The following SNX14 variants were observed in gnomAD, a reference collection of about 807,000 sequenced individuals.
SNX14 encodes the protein sorting nexin 14.
SNX14 carries 93 observed loss-of-function variants against 133.8 expected under a neutral mutation model. The observed-to-expected ratio is 0.70, with a 90% CI of 0.59 to 0.83. The LOEUF is 0.83. Among genes scored for constraint, SNX14 ranks in the 40% least tolerant of loss-of-function variants. SNX14 has a pLI of 0.00. For missense variants in SNX14, 945 were observed against 1,094.9 expected (o/e 0.86, Z 1.93); for synonymous variants, 368 against 365.6 (o/e 1.01, Z -0.07).
intron 6 of SNX14, among the ~76,000 whole-genome samples, chr6:85,559,825 C>T (rs1290990852): frequency 6.6e-6 from 1 of 152,028 alleles, no homozygotes; most frequent in African/African-American, 2.4e-5. Flanking sequence ...AGTTAAAATG[C>T]AGGTAAGGAA....
At chr6:85,512,324 A>C (rs552070402) in intron 26 of SNX14, among the ~76,000 whole-genome samples, 2 of 152,232 alleles carry the variant, frequency 1.3e-5, no homozygotes, top group African/African-American at 4.8e-5. Flanking sequence ...TAAAACTCAC[A>C]AAAAAAGTGT....
At chr6:85,593,548 C>T (rs1228778871) in intron 1 of SNX14, 31 bp downstream of exon 1, 1 of 1,587,032 alleles carries the variant, frequency 6.3e-7, no homozygotes, top group East Asian at 2.3e-5. Flanking sequence ...CGGAGAAAAG[C>T]CGCCGCCCAG....
intron 20 of SNX14, among the ~76,000 whole-genome samples, chr6:85,527,880 AAC>A (rs1778996340): frequency 6.6e-6 from 1 of 152,124 alleles, no homozygotes; most frequent in East Asian, 1.9e-4. Flanking sequence ...GAAAAAGCTA[AAC>A]ACAAAAATCA....
intron 1 of SNX14, among the ~76,000 whole-genome samples, chr6:85,591,425 C>T (rs959407500): frequency 6.6e-6 from 1 of 152,086 alleles, no homozygotes; most frequent in Non-Finnish European, 1.5e-5. Flanking sequence ...AAATGGAAAA[C>T]ACCAAAACAT....
chr6:85,516,327 C>A (rs185480637), intron 23 of SNX14, among the ~76,000 whole-genome samples: 4 of 152,210 alleles, frequency 2.6e-5, no homozygotes, highest in African/African-American at 9.6e-5. Context: ...TTCTCCCTGA[C>A]AAATTCCTAG....
intron 8 of SNX14, 114 bp downstream of exon 8, chr6:85,549,609 A>G: frequency 1.4e-6 from 1 of 726,062 alleles, no homozygotes; most frequent in Non-Finnish European, 1.9e-6. Flanking sequence ...TTTCAAATGA[A>G]AAGCTATTCA....
chr6:85,546,957 G>A (rs895329284), intron 12 of SNX14, among the ~76,000 whole-genome samples, 155 bp downstream of exon 12: 2 of 108,864 alleles, frequency 1.8e-5, no homozygotes, highest in Admixed American at 1.1e-4. Flanking sequence ...GTGAAATTCC[G>A]CCTCAAACAA....
At chr6:85,580,967 C>T (rs1246490727) in intron 1 of SNX14, among the ~76,000 whole-genome samples, 1 of 152,104 alleles carries the variant, frequency 6.6e-6, no homozygotes, top group Non-Finnish European at 1.5e-5. Flanking sequence ...CTGGCTTCAC[C>T]ACCTGCTGAT....
chr6:85,547,213 T>G lies in SNX14; in HGVS notation c.1007A>C (p.Glu336Ala), dbSNP rs202003606. Reference protein sequence around the residue: ...RNKKPSVLKLELKQIREQQDL... With the variant: ...RNKKPSVLKLALKQIREQQDL... ...TTGTTGCTCTCTGATTTGCTTCAAT[T>G]CTAACTTCAGCACCTTGATATAAGA... Residue 336 changes from glutamate (E) to alanine (A), a missense_variant, in exon 12 of 29, where the codon GAA (glutamate) becomes GCA (alanine). Glu to Ala is a moderately radical substitution (Grantham distance 107, BLOSUM62 -1). This residue lies in a region of SNX14 where 514 missense variants were observed against 538.8 expected (regional missense o/e 0.95). Coordinates refer to ENST00000314673, the MANE Select transcript of SNX14 (RefSeq NM_153816.6). 63 of 1,613,952 alleles carry G rather than the reference T, an allele frequency of 3.9e-5. No individual in the cohort carries two copies. The highest frequency in any genetic ancestry group is 5.2e-5 in the Non-Finnish European group (61 of 1,179,982).
chr6:85,556,737 G>A (rs1177210758), intron 7 of SNX14, among the ~76,000 whole-genome samples: 3 of 152,082 alleles, frequency 2.0e-5, no homozygotes, highest in Non-Finnish European at 2.9e-5. Flanking sequence ...ACAGGCATGA[G>A]CCACCATGCT....
chr6:85,546,481 C>A (rs1009536429), intron 12 of SNX14, among the ~76,000 whole-genome samples: 1 of 151,864 alleles, frequency 6.6e-6, no homozygotes, highest in Non-Finnish European at 1.5e-5. Context: ...CAAAACAATC[C>A]TTTACAAAAA....
At position 85,513,883 on chromosome 6, in the gene SNX14, C is replaced by T; in HGVS notation, c.2570G>A (p.Cys857Tyr). ...GAGAGAGCGAGGTTCAGTGTTTTCA[C>T]AGAATATAGCATCTAAAAAAGAGTA... ...LITLLRDAIF[C>Y]ENTEPRSLQD... The change falls in exon 26 of 29, where the codon TGT becomes TAT. Residue 857 changes from cysteine to tyrosine, a missense_variant. Transcript: ENST00000314673. 6.2e-7 allele frequency: 1 copy of T among 1,610,298 alleles called. No individual in the cohort carries two copies. Among genetic ancestry groups the T allele is most frequent in the Non-Finnish European group, 8.5e-7 (1 of 1,178,908 alleles).
chr6:85,587,515 G>C (rs1801319407), intron 1 of SNX14, among the ~76,000 whole-genome samples: 2 of 152,044 alleles, frequency 1.3e-5, no homozygotes, highest in Admixed American at 1.3e-4. Flanking sequence ...TCCCAGGCTG[G>C]AATGTAGTAG....
chr6:85,579,617 T>C (rs563418184), intron 1 of SNX14, among the ~76,000 whole-genome samples: 19 of 152,200 alleles, frequency 1.2e-4, no homozygotes, highest in African/African-American at 4.6e-4. Context: ...AACACAGTGA[T>C]TGTGAGAATT....
At chr6:85,569,179 C>T (rs1794828877) in intron 4 of SNX14, among the ~76,000 whole-genome samples, 1 of 152,150 alleles carries the variant, frequency 6.6e-6, no homozygotes, top group South Asian at 2.1e-4. Context: ...TCAGGCTGGT[C>T]TCGAACTCCC....
At position 85,547,156 on chromosome 6, in the gene SNX14, T is replaced by C; in HGVS notation, c.1064A>G (p.Lys355Arg). The change falls in exon 12 of 29, where the codon AAA (lysine) becomes AGA (arginine). Residue 355 changes from lysine to arginine, a missense_variant. Lys to Arg is a conservative substitution (Grantham distance 26). Coordinates refer to ENST00000314673, the MANE Select transcript of SNX14 (RefSeq NM_153816.6). ...DLLFRFMNFL[K>R]QEGAVHVLQF... Reference sequence around the variant, plus strand: ...CAACACGTGCACTGCGCCTTCTTGTTTCAGAAAGTTCATAAAACGAAATAA... The same window carrying C: ...CAACACGTGCACTGCGCCTTCTTGTCTCAGAAAGTTCATAAAACGAAATAA... 1.2e-6 allele frequency: 2 copies of C among 1,614,038 alleles called. No individual in the cohort carries two copies. Among genetic ancestry groups the C allele is most frequent in the Non-Finnish European group, 1.7e-6 (2 of 1,179,934 alleles).
chr6:85,543,774 G>C lies in SNX14; in HGVS notation c.1109-14C>G. 7.0e-7 allele frequency: 1 copy of C among 1,426,186 alleles called. No homozygotes were observed. Among genetic ancestry groups the C allele is most frequent in the Admixed American group, 2.4e-5 (1 of 41,610 alleles). 88.3% of individuals were successfully genotyped at this position (1,426,186 alleles called of 1,614,324 possible). A position where few individuals can be genotyped will look rare whatever the true frequency, so the allele number is the denominator to read the frequency against. The stretch of plus-strand genomic sequence containing the variant: ...CATTAAATTCCTCTAACAAATGAGG[G>C]AATGAATAAGAAAAAATAATTTTAA... On this transcript the variant is annotated splice_polypyrimidine_tract_variant and intron_variant, in intron 12 of 28. Coordinates refer to ENST00000314673, the MANE Select transcript of SNX14 (RefSeq NM_153816.6).
chr6:85,569,026 C>T (rs375295978), intron 4 of SNX14, among the ~76,000 whole-genome samples: 2 of 151,084 alleles, frequency 1.3e-5, no homozygotes, highest in Non-Finnish European at 1.5e-5. Context: ...AGTGCAATAG[C>T]GCAATCTTGG....
chr6:85,516,502 T>C (rs1775046053), intron 23 of SNX14, among the ~76,000 whole-genome samples: 1 of 152,000 alleles, frequency 6.6e-6, no homozygotes, highest in African/African-American at 2.4e-5. Flanking sequence ...CTATCAAATA[T>C]TTATAAAAAG....
Sources: allele counts gnomAD v4.1 joint callset (sites outside exome capture counted in the v4.1 genomes callset), GRCh38; gene constraint gnomAD v4.1.1; regional missense constraint gnomAD v4.1.1; transcripts MANE v1.5; gene names NCBI Gene and HGNC (gene_info 2026-07-23, HGNC 2026-07-21).